SASH1: variants seen among roughly 807,000 people sequenced by gnomAD.
The protein encoded by SASH1 is SAM and SH3 domain containing 1.
Under a neutral mutation model 125.2 loss-of-function variants are expected in SASH1, and 44 were observed. The observed-to-expected ratio is 0.35, with a 90% CI of 0.28 to 0.45. The LOEUF is 0.45. Among genes scored for constraint, SASH1 ranks in the 20% least tolerant of loss-of-function variants. The probability of loss-of-function intolerance (pLI) is 1.00; values close to 1 mark genes in which losing one functional copy is unlikely to be tolerated. For synonymous variants in SASH1, 639 were observed against 649.1 expected (o/e 0.98, Z 0.24); for missense variants, 1,426 against 1,614.5 (o/e 0.88, Z 2.00).
chr6:148,427,619 T>C (rs1323889573), intron 2 of SASH1, among the ~76,000 whole-genome samples: 2 of 152,098 alleles, frequency 1.3e-5, no homozygotes, highest in Non-Finnish European at 2.9e-5. Flanking sequence ...ACAAAGACAG[T>C]TTAGACATTA....
At chr6:148,531,493 T>C (rs2115401707) in intron 12 of SASH1, 33 bp from the exon 13 acceptor site, 2 of 1,453,512 alleles carry the variant, frequency 1.4e-6, no homozygotes, top group Non-Finnish European at 9.1e-7. Flanking sequence ...TCCACTCTGA[T>C]GAACTTCTTC....
chr6:148,239,277 A>G, the SASH1 span, among the ~76,000 whole-genome samples: 1 of 152,210 alleles, frequency 6.6e-6, no homozygotes, highest in Non-Finnish European at 1.5e-5. Context: ...AAATGATAAC[A>G]TAACAGTGTG....
chr6:148,394,050 G>A (rs994064834), intron 2 of SASH1, among the ~76,000 whole-genome samples: 6 of 151,704 alleles, frequency 4.0e-5, no homozygotes, highest in African/African-American at 9.7e-5. Flanking sequence ...CCGCTACCAC[G>A]CCTGGCTAAT....
At chr6:148,546,823 G>A (rs1000883386) in intron 19 of SASH1, among the ~76,000 whole-genome samples, 1 of 151,982 alleles carries the variant, frequency 6.6e-6, no homozygotes, top group East Asian at 1.9e-4. Context: ...ATGCGTAAAT[G>A]TATAGTACCG....
At chr6:148,379,746 T>C (rs1423338826) in intron 1 of SASH1, among the ~76,000 whole-genome samples, 1 of 152,242 alleles carries the variant, frequency 6.6e-6, no homozygotes, top group Non-Finnish European at 1.5e-5. Context: ...TTTCATAAAC[T>C]CTAAAGTTGC....
rs556430603 is a variant in SASH1, at chr6:148,432,434, C to T, written c.286-7750C>T. 3.3e-5 allele frequency among the ~76,000 whole-genome samples: 5 copies of T among 152,280 alleles called. No individual in the cohort carries two copies. The South Asian group carries it at 6.2e-4, about 19-fold the overall frequency. ...CCTTCTTGTAAAGTGATAAAAAAAA[C>T]GTAAATCTGTGACCGGCAGCAACTT... is the stretch of plus-strand genomic sequence containing the variant. On this transcript the variant is annotated intron_variant, in intron 2 of 19. Transcript: ENST00000367467.
In SASH1 at chr6:148,549,629, A is replaced by G; in HGVS notation, c.*1071A>G. 2.5e-6 allele frequency: 1 copy of G among 399,042 alleles called. No homozygotes were observed. The highest frequency in any genetic ancestry group is 3.6e-5 in the East Asian group (1 of 28,084). 24.7% of individuals were successfully genotyped at this position (399,042 alleles called of 1,614,324 possible). On this transcript the variant is annotated 3_prime_UTR_variant, in exon 20 of 20. Transcript: ENST00000367467. Reference sequence around the variant, plus strand: ...ATGTCCTTAATAAGGGAAGTCATGTATAAGATGTTTTCTAAAAGACTTTTC... The same window carrying G: ...ATGTCCTTAATAAGGGAAGTCATGTGTAAGATGTTTTCTAAAAGACTTTTC...
intron 2 of SASH1, among the ~76,000 whole-genome samples, chr6:148,409,109 C>A (rs1784495500): frequency 6.6e-6 from 1 of 152,150 alleles, no homozygotes; most frequent in Admixed American, 6.6e-5. Context: ...TTTTATGATA[C>A]TTCTCATGTC....
the SASH1 span, among the ~76,000 whole-genome samples, chr6:148,216,737 T>G: frequency 1.3e-5 from 2 of 151,912 alleles, no homozygotes; most frequent in Admixed American, 6.6e-5. Context: ...TTTTTCTTTT[T>G]CTTTTTTTTT....
intron 1 of SASH1, among the ~76,000 whole-genome samples, chr6:148,328,570 G>C (rs1780904021): frequency 6.6e-6 from 1 of 151,388 alleles, no homozygotes; most frequent in Non-Finnish European, 1.5e-5. Context: ...TCCAGCCTGG[G>C]TGACAGAGCA....
chr6:148,521,290 G>C (rs1780791850), intron 10 of SASH1, among the ~76,000 whole-genome samples: 1 of 152,192 alleles, frequency 6.6e-6, no homozygotes, highest in Non-Finnish European at 1.5e-5. Flanking sequence ...TTGGCTGTGG[G>C]CCCTTTTAAA....
At chr6:148,246,536 C>T in the SASH1 span, among the ~76,000 whole-genome samples, 216 of 152,292 alleles carry the variant, frequency 1.4e-3, 4 homozygotes, top group East Asian at 0.021. Context: ...TTTCTCATCA[C>T]TAGCTTTTGG....
chr6:148,430,310 TTG>T (rs1238305307), intron 2 of SASH1, among the ~76,000 whole-genome samples: 1 of 152,152 alleles, frequency 6.6e-6, no homozygotes, highest in Non-Finnish European at 1.5e-5. Context: ...CCTGTCAGTA[TTG>T]TGTTTCCATG....
intron 1 of SASH1, among the ~76,000 whole-genome samples, chr6:148,296,197 C>T (rs918380412): frequency 1.3e-5 from 2 of 152,180 alleles, no homozygotes; most frequent in Admixed American, 6.5e-5. Context: ...GCTATCTCGG[C>T]TCACTGCAAC....
intron 1 of SASH1, among the ~76,000 whole-genome samples, chr6:148,295,894 A>G (rs950053596): frequency 1.2e-4 from 18 of 152,206 alleles, no homozygotes; most frequent in Non-Finnish European, 1.8e-4. Flanking sequence ...TTAATTTTCA[A>G]TATTCTGACA....
At chr6:148,359,305 T>G (rs1782092948) in intron 1 of SASH1, among the ~76,000 whole-genome samples, 1 of 147,514 alleles carries the variant, frequency 6.8e-6, no homozygotes, top group Non-Finnish European at 1.5e-5. Flanking sequence ...ATTACAGGCA[T>G]GAGCCATTGT....
At chr6:148,430,945 G>A (rs1223841195) in intron 2 of SASH1, among the ~76,000 whole-genome samples, 7 of 152,178 alleles carry the variant, frequency 4.6e-5, no homozygotes, top group Admixed American at 3.3e-4. Context: ...TCCATTTGCC[G>A]TTTGTTGCCA....
rs1782464813 is a variant in SASH1, at chr6:148,544,867, A to G, written c.3348+49A>G. On this transcript the variant is annotated intron_variant, in intron 18 of 19. Transcript: ENST00000367467. The surrounding 1 kb of genome is among the most constrained non-coding windows in gnomAD (Gnocchi z 6.4). ...ACGTTCACAGGCCTTTGTTTGTAGA[A>G]GTCAGGCAGCCAGGTGAGATGAACC... is the stretch of plus-strand genomic sequence containing the variant. 19 of 1,492,028 alleles carry G rather than the reference A, an allele frequency of 1.3e-5. No homozygotes were observed. Among genetic ancestry groups the G allele is most frequent in the Non-Finnish European group, 1.7e-5 (19 of 1,118,168 alleles). 92.4% of individuals were successfully genotyped at this position (1,492,028 alleles called of 1,614,324 possible).
At chr6:148,391,831 A>G (rs1161298738) in intron 2 of SASH1, among the ~76,000 whole-genome samples, 1 of 152,216 alleles carries the variant, frequency 6.6e-6, no homozygotes, top group East Asian at 1.9e-4. Flanking sequence ...TTGTTTCATT[A>G]TGCCAACCTC....
Sources: gnomAD v4.1 joint callset for allele counts (sites outside exome capture counted in the v4.1 genomes callset) on GRCh38, gnomAD v4.1.1 for gene constraint, Gnocchi (gnomAD v3.1) non-coding constraint, MANE v1.5 for transcripts, NCBI Gene and HGNC (gene_info 2026-07-23, HGNC 2026-07-21) for gene names.